Variants in SOD2 observed in about 807,000 individuals in gnomAD.
SOD2 encodes superoxide dismutase [Mn], mitochondrial.
SOD2 carries 11 observed loss-of-function variants against 27.0 expected under a neutral mutation model. The ratio of observed to expected loss-of-function variants is 0.41; its 90% CI spans 0.26 to 0.67. The LOEUF (loss-of-function observed/expected upper bound fraction) is 0.67, where lower values mean the gene tolerates loss of function less well. SOD2 is among the 30% of genes least tolerant of loss of function. The pLI, the probability that SOD2 is intolerant of heterozygous loss-of-function variation, is 0.34. For synonymous variants in SOD2, 105 were observed against 103.0 expected, an observed-to-expected ratio of 1.02 and a Z score of -0.12; for missense variants, 250 against 274.5, an observed-to-expected ratio of 0.91 and a Z score of 0.63.
Position 159,712,214 on chromosome 6 carries a change from A to G in SOD2, c.-116+14915T>C, listed in dbSNP as rs562181566. Among the ~76,000 whole-genome samples, 133 of 119,958 alleles carry G rather than the reference A, an allele frequency of 1.1e-3. 14 individuals carry two copies. Among genetic ancestry groups the G allele is most frequent in the East Asian group, 0.01 (33 of 3,172 alleles). 78.7% of individuals were successfully genotyped at this position (119,958 alleles called of 152,430 possible). The stretch of plus-strand genomic sequence containing the variant: ...CCACATTGCTCTGATCACCATAACC[A>G]CCTCCATAACCACCACTCACATTGC... On this transcript the variant is annotated intron_variant, in intron 1 of 2. Coordinates refer to the SOD2 transcript ENST00000401980.
chr6:159,759,110 A>G (rs914858922), intron 1 of SOD2, among the ~76,000 whole-genome samples: 1 of 147,914 alleles, frequency 6.8e-6, no homozygotes. Context: ...CCCAGGCTGG[A>G]GTACAATGGT....
chr6:159,738,974 G>T (rs1299723144), intron 1 of SOD2: 1 of 1,598,402 alleles, frequency 6.3e-7, no homozygotes, highest in South Asian at 1.1e-5. Context: ...AATTCATATT[G>T]TAATTCTCTT....
chr6:159,708,897 A>G (rs200309393), intron 1 of SOD2, among the ~76,000 whole-genome samples: 2 of 152,196 alleles, frequency 1.3e-5, no homozygotes, highest in African/African-American at 2.4e-5. Context: ...AAAACAGCAT[A>G]GTACTGGTAC....
chr6:159,743,717 G>T, intron 1 of SOD2: 1 of 1,613,632 alleles, frequency 6.2e-7, no homozygotes, highest in Non-Finnish European at 8.5e-7. Flanking sequence ...AGCAACAACA[G>T]CAGGAGTCTG....
At chr6:159,758,594 T>C (rs528291356) in intron 1 of SOD2, among the ~76,000 whole-genome samples, 42 of 152,372 alleles carry the variant, frequency 2.8e-4, no homozygotes, top group South Asian at 1.0e-3. Flanking sequence ...GGAGTTCACC[T>C]ATCCCTGTGG....
intron 2 of SOD2, chr6:159,691,098 A>G (rs1407718887): frequency 6.6e-6 from 1 of 152,238 alleles, no homozygotes; most frequent in African/African-American, 2.4e-5. Flanking sequence ...ACAATACAAT[A>G]AAAAGCTTTT....
chr6:159,736,931 G>C (rs1342015664), intron 1 of SOD2, among the ~76,000 whole-genome samples: 1 of 152,158 alleles, frequency 6.6e-6, no homozygotes, highest in Non-Finnish European at 1.5e-5. Context: ...ATATTTAAGT[G>C]AATAATTTAG....
upstream of SOD2, chr6:159,748,550 G>A: frequency 7.4e-7 from 1 of 1,359,260 alleles, no homozygotes; most frequent in Non-Finnish European, 9.5e-7. The surrounding 1 kb of genome is among the most constrained non-coding windows in gnomAD (Gnocchi z 5.6). Flanking sequence ...GATGAACCTT[G>A]TGTTTCAGCT....
intron 1 of SOD2, among the ~76,000 whole-genome samples, chr6:159,733,632 A>C (rs78280822): frequency 6.6e-6 from 1 of 151,784 alleles, no homozygotes; most frequent in Non-Finnish European, 1.5e-5. Flanking sequence ...AAAAAAAAAA[A>C]AGCCCAGCAC....
At position 159,712,589 on chromosome 6, in the gene SOD2, C is replaced by T. The variant is rs570950746; in HGVS notation, c.-116+14540G>A. ...CTCACACTACTCTGATCACCCTAAC[C>T]GCCTCCACAACGACCACTCAGCTGC... On this transcript the variant is annotated intron_variant, in intron 1 of 2. Transcript: ENST00000401980. Among the ~76,000 whole-genome samples the T allele has an allele frequency of 1.9e-3, 281 of 148,574 alleles. 3 individuals are homozygous for T. Among genetic ancestry groups the T allele is most frequent in the African/African-American group, 6.6e-3 (267 of 40,606 alleles).
chr6:159,684,367 C>T (rs1164206195), intron 4 of SOD2, among the ~76,000 whole-genome samples: 1 of 152,032 alleles, frequency 6.6e-6, no homozygotes, highest in East Asian at 1.9e-4. Flanking sequence ...CCTGTAATCC[C>T]AGCACTTCAG....
rs1464080497 is a variant in SOD2, at chr6:159,751,955, C to T, written c.-335-3279G>A. Among the ~76,000 whole-genome samples the T allele has an allele frequency of 5.3e-5, 8 of 151,476 alleles. No individual in the cohort carries two copies. The South Asian group carries it at 8.4e-4, about 16-fold the overall frequency. ...GCACACCTATAGTCCCCAGGTACTC[C>T]GGAGGCTGAGGTGGGAGGATCACCT... On this transcript the variant is annotated intron_variant, in intron 1 of 7. Coordinates refer to the SOD2 transcript ENST00000546087.
In SOD2 at chr6:159,672,600, C is replaced by T. The variant is rs1779691181; in HGVS notation, c.*9893G>A. 1 of 152,168 alleles carries T rather than the reference C, an allele frequency of 6.6e-6. No individual in the cohort carries two copies. Among genetic ancestry groups the T allele is most frequent in the Non-Finnish European group, 1.5e-5 (1 of 68,026 alleles). 9.4% of individuals were successfully genotyped at this position (152,168 alleles called of 1,614,324 possible). On this transcript the variant is annotated 3_prime_UTR_variant, in exon 5 of 5. Coordinates refer to ENST00000538183, the MANE Select transcript of SOD2 (RefSeq NM_000636.4). ...AAGAGCTCCTGAAGGAAGCACTAAA[C>T]ATGGAATGGAACAACCAGTATCAGC...
upstream of SOD2, among the ~76,000 whole-genome samples, chr6:159,745,874 C>T (rs1779546303): frequency 6.6e-6 from 1 of 152,024 alleles, no homozygotes; most frequent in Non-Finnish European, 1.5e-5. Flanking sequence ...GTTTTGGAGG[C>T]ACAATCAATA....
chr6:159,742,045 CTA>C (rs748460821), intron 1 of SOD2: 39 of 1,371,228 alleles, frequency 2.8e-5, no homozygotes, highest in South Asian at 2.7e-4. Flanking sequence ...ATTTAATAAA[CTA>C]TTTTATCGTA....
chr6:159,703,736 G>A (rs1349680075), intron 1 of SOD2, among the ~76,000 whole-genome samples: 1 of 152,190 alleles, frequency 6.6e-6, no homozygotes, highest in Non-Finnish European at 1.5e-5. Flanking sequence ...TGGGGTACAA[G>A]AGCAACATTT....
intron 1 of SOD2, among the ~76,000 whole-genome samples, chr6:159,759,665 T>A (rs1780083857): frequency 6.8e-6 from 1 of 147,668 alleles, no homozygotes; most frequent in African/African-American, 2.5e-5. Context: ...GCGAGCTCCG[T>A]CTCAAAAAAA....
intron 1 of SOD2, among the ~76,000 whole-genome samples, chr6:159,724,251 C>G (rs1778096664): frequency 6.6e-6 from 1 of 152,270 alleles, no homozygotes; most frequent in South Asian, 2.1e-4. Flanking sequence ...TTTGGCCTAT[C>G]AAAGTGCTGG....
upstream of SOD2, among the ~76,000 whole-genome samples, chr6:159,746,562 A>T (rs765507789): frequency 1.3e-5 from 2 of 152,208 alleles, no homozygotes; most frequent in African/African-American, 4.8e-5. Flanking sequence ...GTCTACATGC[A>T]GTCTTTGCCA....
Sources: allele counts gnomAD v4.1 joint callset (sites outside exome capture counted in the v4.1 genomes callset), GRCh38; gene constraint gnomAD v4.1.1; non-coding constraint Gnocchi (gnomAD v3.1); transcripts MANE v1.5; gene names NCBI Gene and HGNC (gene_info 2026-07-23, HGNC 2026-07-21).